VPS4A: variants seen among roughly 807,000 people sequenced by gnomAD.
The protein encoded by VPS4A is vacuolar protein sorting-associated protein 4A.
In VPS4A, 20 loss-of-function variants were observed where a neutral mutation model predicts 52.3. The observed-to-expected ratio is 0.38, with a 90% CI of 0.27 to 0.56. The LOEUF (loss-of-function observed/expected upper bound fraction) is 0.56. VPS4A is among the 20% of genes least tolerant of loss of function. The pLI is 0.72. For missense variants in VPS4A, 419 were observed against 575.9 expected (o/e 0.73, Z 2.79); for synonymous variants, 293 against 227.7 (o/e 1.29, Z -2.58).
intron 3 of VPS4A, among the ~76,000 whole-genome samples, chr16:69,317,736 T>C (rs1377480748): frequency 1.3e-5 from 2 of 151,462 alleles, no homozygotes; most frequent in African/African-American, 4.9e-5. Flanking sequence ...GAGCTTGCAG[T>C]GAGCCGAGAT....
chr16:69,311,560 G>A (rs777572762), intron 1 of VPS4A, 28 bp downstream of exon 1: 46 of 1,295,108 alleles, frequency 3.6e-5, no homozygotes, highest in Non-Finnish European at 4.1e-5. Context: ...GCCCGACTTC[G>A]GAGGCCGAAG....
At chr16:69,314,209 C>T (rs149089627) in intron 1 of VPS4A, among the ~76,000 whole-genome samples, 3,563 of 151,990 alleles carry the variant, frequency 0.023, 142 homozygotes, top group African/African-American at 0.081. Context: ...TCCGGTGATC[C>T]GCCCGCCTCC....
At chr16:69,323,972 A>C (rs1965550519) in intron 10 of VPS4A, among the ~76,000 whole-genome samples, 1 of 149,390 alleles carries the variant, frequency 6.7e-6, no homozygotes, top group South Asian at 2.1e-4. Flanking sequence ...AAAAGAAAGC[A>C]AGTTCGTAAG....
rs1297445191 is a variant in VPS4A at position 69,320,716 on chromosome 16, G to C, written c.798G>C (p.Leu266=). The C allele has an allele frequency of 6.2e-7, 1 of 1,608,270 alleles. No homozygotes were observed. The highest frequency in any genetic ancestry group is 1.1e-5 in the South Asian group (1 of 89,640). The stretch of plus-strand genomic sequence containing the variant: ...TGGGGAATAACAATGATGGGACTCT[G>C]GTTCTTGGAGCCACAAACATCCCAT... ...QGVGNNNDGT[L]VLGATNIPWV... The change falls in exon 8 of 11, where the codon CTG becomes CTC. Residue 266 remains leucine, a synonymous_variant. Coordinates refer to ENST00000254950, the MANE Select transcript of VPS4A (RefSeq NM_013245.3). The surrounding 1 kb of genome is among the most constrained non-coding windows in gnomAD (Gnocchi z 4.2).
chr16:69,318,484 T>C (rs1965465915), intron 3 of VPS4A, among the ~76,000 whole-genome samples, 166 bp from the exon 4 acceptor site: 1 of 152,198 alleles, frequency 6.6e-6, no homozygotes. Flanking sequence ...GCTGAGAGCA[T>C]TGGCCCAAAT....
chr16:69,320,572 G>A lies in VPS4A; in HGVS notation c.770-116G>A, dbSNP rs1368711659. 2 of 935,060 alleles carry A rather than the reference G, an allele frequency of 2.1e-6. No individual in the cohort carries two copies. Among genetic ancestry groups the A allele is most frequent in the Non-Finnish European group, 3.3e-6 (2 of 614,882 alleles). 57.9% of individuals were successfully genotyped at this position (935,060 alleles called of 1,614,324 possible). A position where few individuals can be genotyped will look rare whatever the true frequency, so the allele number is the denominator to read the frequency against. On this transcript the variant is annotated intron_variant, in intron 7 of 10. Transcript: ENST00000254950. The surrounding 1 kb of genome is among the most constrained non-coding windows in gnomAD (Gnocchi z 4.2). ...TCACTTGGGACCCTGCCAGTGGTGG[G>A]TGGCACAGGGATGGCTTCAATTGCT...
At position 69,326,545 on chromosome 16, in the gene VPS4A, C is replaced by T. The variant is rs1195798542; in HGVS notation, c.*2236C>T. ...AGTCCTAGGGGTTAACAAAGGTTAG[C>T]ATGGCTATGGTCCATCCCTGTGCTC... On this transcript the variant is annotated 3_prime_UTR_variant, in exon 11 of 11. Coordinates refer to ENST00000254950, the MANE Select transcript of VPS4A (RefSeq NM_013245.3). 6.6e-6 allele frequency: 1 copy of T among 152,252 alleles called. No homozygotes were observed. The highest frequency in any genetic ancestry group is 1.5e-5 in the Non-Finnish European group (1 of 68,046). The allele number at this position is 152,252 out of a possible 1,614,324, so 9.4% of individuals were successfully genotyped here.
rs775731726 is a variant in VPS4A at position 69,321,179 on chromosome 16, A to G, written c.980A>G (p.Glu327Gly). Residue 327 changes from glutamate to glycine, a missense_variant, in exon 9 of 11, where the codon GAA becomes GGA. Glu to Gly is a moderately conservative substitution (Grantham distance 98). Transcript: ENST00000254950. The surrounding 1 kb of genome is among the most constrained non-coding windows in gnomAD (Gnocchi z 4.5). Reference protein sequence around the residue: ...ANIHELARKTEGYSGADISII... With the variant: ...ANIHELARKTGGYSGADISII... The stretch of plus-strand genomic sequence containing the variant: ...ATCCACGAGCTGGCCCGGAAGACGG[A>G]AGGCTACTCGGGCGCGGACATCAGC... 6.3e-7 allele frequency: 1 copy of G among 1,577,362 alleles called. No individual in the cohort carries two copies. Among genetic ancestry groups the G allele is most frequent in the African/African-American group, 1.4e-5 (1 of 73,980 alleles).
chr16:69,322,497 G>A (rs1035317197), intron 9 of VPS4A, 63 bp from the exon 10 acceptor site: 173 of 1,518,702 alleles, frequency 1.1e-4, no homozygotes, highest in African/African-American at 1.8e-4. Flanking sequence ...CTTAGAGACC[G>A]GAGGGGTCGA....
rs1221995501 is a variant in VPS4A, at chr16:69,321,133, C to T, written c.934C>T (p.His312Tyr). 1 of 1,591,534 alleles carries T rather than the reference C, an allele frequency of 6.3e-7. No homozygotes were observed. Among genetic ancestry groups the T allele is most frequent in the African/African-American group, 1.3e-5 (1 of 74,232 alleles). The change falls in exon 9 of 11, where the codon CAC becomes TAC. Residue 312 changes from histidine to tyrosine, a missense_variant. Physicochemically the swap from His to Tyr is moderately conservative, Grantham distance 83 (BLOSUM62 2). This residue lies in a region of VPS4A where 185 missense variants were observed against 200.2 expected (regional missense o/e 0.92). Transcript: ENST00000254950. The surrounding 1 kb of genome is among the most constrained non-coding windows in gnomAD (Gnocchi z 4.5). Reference sequence around the variant, plus strand: ...CCGGTTGCATCTCGGGAGCACTCCCCACAACCTCACGGATGCAAACATCCA... The same window carrying T: ...CCGGTTGCATCTCGGGAGCACTCCCTACAACCTCACGGATGCAAACATCCA... ...MFRLHLGSTP[H>Y]NLTDANIHEL...
In VPS4A at chr16:69,316,210, T is replaced by C; in HGVS notation, c.134-15T>C. On this transcript the variant is annotated splice_polypyrimidine_tract_variant and intron_variant, in intron 2 of 10. Coordinates refer to ENST00000254950, the MANE Select transcript of VPS4A (RefSeq NM_013245.3). Reference sequence around the variant, plus strand: ...CACGAGCCTCACAGGGGCCCCTCTGTGTTCCCTTTCACAGATGAGGCCCAC... The same window carrying C: ...CACGAGCCTCACAGGGGCCCCTCTGCGTTCCCTTTCACAGATGAGGCCCAC... 1.9e-6 allele frequency: 3 copies of C among 1,613,244 alleles called. No homozygotes were observed. Among genetic ancestry groups the C allele is most frequent in the Non-Finnish European group, 2.5e-6 (3 of 1,179,770 alleles).
Position 69,324,410 on chromosome 16 carries a change from A to G in VPS4A, c.*101A>G. 7.9e-7 allele frequency: 1 copy of G among 1,259,820 alleles called. No individual in the cohort carries two copies. The highest frequency in any genetic ancestry group is 1.3e-5 in the South Asian group (1 of 76,530). 78.0% of individuals were successfully genotyped at this position (1,259,820 alleles called of 1,614,324 possible). A position where few individuals can be genotyped will look rare whatever the true frequency, so the allele number is the denominator to read the frequency against. On this transcript the variant is annotated 3_prime_UTR_variant, in exon 11 of 11. Transcript: ENST00000254950. ...CAGACAGGGCTCCAGGGCTTGTCCC[A>G]GTCAATACAGAGTTCCCTCTGCTGT...
In VPS4A at chr16:69,320,481, C is replaced by T. The variant is rs1449814153; in HGVS notation, c.769+192C>T. Reference sequence around the variant, plus strand: ...GGCCTCTGCCTCACGGGCCACTCCACCCCTCCCATGGCAGGCAGTGCCATA... The same window carrying T: ...GGCCTCTGCCTCACGGGCCACTCCATCCCTCCCATGGCAGGCAGTGCCATA... On this transcript the variant is annotated intron_variant, in intron 7 of 10. Transcript: ENST00000254950. This position sits in a 1 kb window ranked among gnomAD's most constrained non-coding sequence, Gnocchi z 4.2. 2.2e-5 allele frequency: 19 copies of T among 854,360 alleles called. No individual in the cohort carries two copies. Among genetic ancestry groups the T allele is most frequent in the Non-Finnish European group, 3.2e-5 (18 of 560,656 alleles). 52.9% of individuals were successfully genotyped at this position (854,360 alleles called of 1,614,324 possible).
At chr16:69,317,749 A>T (rs1199246491) in intron 3 of VPS4A, among the ~76,000 whole-genome samples, 1 of 151,934 alleles carries the variant, frequency 6.6e-6, no homozygotes, top group Non-Finnish European at 1.5e-5. Context: ...GCCGAGATCG[A>T]GCCACTACAC....
intron 2 of VPS4A, 41 bp downstream of exon 2, chr16:69,316,160 G>A: frequency 7.4e-6 from 12 of 1,612,632 alleles, no homozygotes; most frequent in Non-Finnish European, 1.0e-5. Context: ...GCACTCCAGA[G>A]GGGAGCGGAG....
Position 69,319,533 on chromosome 16 carries a change from G to A in VPS4A, c.610G>A (p.Glu204Lys). 6.2e-7 allele frequency: 1 copy of A among 1,613,042 alleles called. No individual in the cohort carries two copies. The highest frequency in any genetic ancestry group is 8.5e-7 in the Non-Finnish European group (1 of 1,179,548). The change falls in exon 6 of 11, where the codon GAG (glutamate) becomes AAG (lysine). Residue 204 changes from glutamate (E) to lysine (K), a missense_variant. By Grantham distance (56) the Glu-to-Lys change is moderately conservative. This residue lies in a region of VPS4A where 103 missense variants were observed against 210.3 expected (regional missense o/e 0.49). Transcript: ENST00000254950. ...SSDLMSKWLGESEKLVKNLFE... is the reference protein window; with the variant it reads ...SSDLMSKWLGKSEKLVKNLFE... Reference sequence around the variant, plus strand: ...AGATCTGATGTCCAAGTGGCTGGGGGAGAGTGAAAAGTAAGTCGGCCACCA... The same window carrying A: ...AGATCTGATGTCCAAGTGGCTGGGGAAGAGTGAAAAGTAAGTCGGCCACCA...
At position 69,316,132 on chromosome 16, in the gene VPS4A, A is replaced by T. The variant is rs3817030; in HGVS notation, c.133+13A>T. The T allele has an allele frequency of 1.2e-6, 2 of 1,612,836 alleles. No individual in the cohort carries two copies. The highest frequency in any genetic ancestry group is 1.7e-6 in the Non-Finnish European group (2 of 1,179,670). On this transcript the variant is annotated intron_variant, in intron 2 of 10. Transcript: ENST00000254950. ...CACGCTATCAAGTGTGAGTCACACGAGGGGTCCTCAGGCTGCCGCACTCCA... is the reference window on the plus strand; with the variant it reads ...CACGCTATCAAGTGTGAGTCACACGTGGGGTCCTCAGGCTGCCGCACTCCA...
At chr16:69,311,575 C>G (rs745568270) in intron 1 of VPS4A, 43 bp downstream of exon 1, 60 of 1,262,186 alleles carry the variant, frequency 4.8e-5, no homozygotes, top group Non-Finnish European at 5.7e-5. Flanking sequence ...CCGAAGGCAG[C>G]GGGGCCTGCG....
At chr16:69,313,981 C>T (rs1965406945) in intron 1 of VPS4A, among the ~76,000 whole-genome samples, 1 of 143,540 alleles carries the variant, frequency 7.0e-6, no homozygotes, top group Non-Finnish European at 1.5e-5. Context: ...AAGTCCAGTG[C>T]ACTCTTTTTT....
Sources: gnomAD v4.1 joint callset for allele counts (sites outside exome capture counted in the v4.1 genomes callset) on GRCh38, gnomAD v4.1.1 for gene constraint, gnomAD v4.1.1 regional missense constraint, Gnocchi (gnomAD v3.1) non-coding constraint, MANE v1.5 for transcripts, NCBI Gene and HGNC (gene_info 2026-07-23, HGNC 2026-07-21) for gene names.